CHKA: variants seen among roughly 807,000 people sequenced by gnomAD.
CHKA encodes the protein choline kinase alpha, also known as CHETK-alpha.
A neutral mutation model predicts 60.1 loss-of-function variants in CHKA; 34 were observed. That is an observed-to-expected ratio of 0.57 (90% CI 0.43 to 0.75). The LOEUF is 0.75. Among genes scored for constraint, CHKA ranks in the 30% least tolerant of loss-of-function variants. The pLI, the probability that CHKA is intolerant of heterozygous loss-of-function variation, is 0.00. For synonymous variants in CHKA, 217 were observed against 223.1 expected (o/e 0.97, Z 0.24); for missense variants, 563 against 561.3 (o/e 1.00, Z -0.03).
At chr11:68,110,709 AC>A (rs1310225463) in intron 1 of CHKA, among the ~76,000 whole-genome samples, 1 of 152,172 alleles carries the variant, frequency 6.6e-6, no homozygotes, top group East Asian at 1.9e-4. Flanking sequence ...TCTAAAATTT[AC>A]AGGGAAGCCA....
intron 1 of CHKA, among the ~76,000 whole-genome samples, chr11:68,118,587 G>GT (rs1858484825): frequency 6.6e-6 from 1 of 152,166 alleles, no homozygotes; most frequent in Admixed American, 6.5e-5. Context: ...AAATGCCCTT[G>GT]TGTCTTTTTT....
intron 1 of CHKA, among the ~76,000 whole-genome samples, chr11:68,097,450 C>T (rs1394471278): frequency 6.6e-6 from 1 of 151,938 alleles, no homozygotes; most frequent in East Asian, 1.9e-4. Flanking sequence ...CTGGCTAACA[C>T]GGTGAAACCC....
At chr11:68,070,595 A>C (rs1270507191) in intron 5 of CHKA, 129 bp downstream of exon 5, 2 of 966,966 alleles carry the variant, frequency 2.1e-6, no homozygotes, top group East Asian at 2.5e-5. Context: ...AAGTATCACC[A>C]GCTGACACCC....
intron 11 of CHKA, among the ~76,000 whole-genome samples, chr11:68,059,327 G>A (rs941091409): frequency 1.3e-5 from 2 of 152,042 alleles, no homozygotes; most frequent in African/African-American, 2.4e-5. Flanking sequence ...ATAATCATAC[G>A]GTTTTTCACC....
intron 1 of CHKA, among the ~76,000 whole-genome samples, chr11:68,117,936 AGAG>A (rs1253300349): frequency 2.0e-5 from 3 of 152,210 alleles, no homozygotes; most frequent in African/African-American, 7.2e-5. Context: ...AACTGTGTGC[AGAG>A]GAGGGATTTC....
chr11:68,112,938 C>T (rs1469086517), intron 1 of CHKA, among the ~76,000 whole-genome samples: 1 of 151,492 alleles, frequency 6.6e-6, no homozygotes, highest in Non-Finnish European at 1.5e-5. Flanking sequence ...AAAAATTAGC[C>T]GGGCGTGGTG....
At chr11:68,062,718 C>T (rs998756197) in intron 10 of CHKA, among the ~76,000 whole-genome samples, 20 of 152,284 alleles carry the variant, frequency 1.3e-4, no homozygotes, top group Admixed American at 5.9e-4. Context: ...CTGTGGTCCC[C>T]GGCCCACAAG....
At chr11:68,063,593 C>T (rs971135298) in intron 10 of CHKA, among the ~76,000 whole-genome samples, 1 of 152,094 alleles carries the variant, frequency 6.6e-6, no homozygotes, top group African/African-American at 2.4e-5. Context: ...GTGTCCTGAC[C>T]CTTCTTGGAC....
chr11:68,068,372 A>C (rs1856509237), intron 7 of CHKA, among the ~76,000 whole-genome samples: 1 of 152,030 alleles, frequency 6.6e-6, no homozygotes, highest in African/African-American at 2.4e-5. Context: ...TAAGTTCTTC[A>C]TCCCAGTTCC....
At chr11:68,069,397 A>G (rs1390260627) in intron 6 of CHKA, among the ~76,000 whole-genome samples, 1 of 152,126 alleles carries the variant, frequency 6.6e-6, no homozygotes, top group East Asian at 1.9e-4. Flanking sequence ...AAAGGTGTAA[A>G]TACTTGTGGC....
At chr11:68,054,155 T>C (rs1855909823) in intron 11 of CHKA, 108 bp from the exon 12 acceptor site, 3 of 917,810 alleles carry the variant, frequency 3.3e-6, no homozygotes, top group Non-Finnish European at 5.2e-6. Context: ...CACGGACCCA[T>C]GAGACCAAAA....
chr11:68,077,059 G>T (rs1469376997), intron 3 of CHKA, among the ~76,000 whole-genome samples: 1 of 152,088 alleles, frequency 6.6e-6, no homozygotes, highest in Non-Finnish European at 1.5e-5. Flanking sequence ...CCAACAGGGT[G>T]AAACCCTGTC....
intron 1 of CHKA, among the ~76,000 whole-genome samples, chr11:68,109,815 G>GA (rs1858066025): frequency 6.6e-6 from 1 of 152,108 alleles, no homozygotes; most frequent in Non-Finnish European, 1.5e-5. Flanking sequence ...AGCTGAATGT[G>GA]ATGGTGCACA....
chr11:68,118,125 A>G (rs1475964692), intron 1 of CHKA, among the ~76,000 whole-genome samples: 1 of 152,132 alleles, frequency 6.6e-6, no homozygotes, highest in African/African-American at 2.4e-5. Context: ...ATGCACTGGC[A>G]CTCAGTGAAA....
chr11:68,098,506 T>TGG (rs1299670090), intron 1 of CHKA, among the ~76,000 whole-genome samples: 3 of 152,016 alleles, frequency 2.0e-5, no homozygotes, highest in African/African-American at 7.2e-5. Context: ...TAGGTGGAAA[T>TGG]GGGGAGTTGG....
chr11:68,095,686 G>A (rs1348318073), intron 2 of CHKA, among the ~76,000 whole-genome samples: 1 of 109,922 alleles, frequency 9.1e-6, no homozygotes, highest in Non-Finnish European at 1.7e-5. Context: ...ACCAGCCTGG[G>A]TGACAGAGCA....
intron 2 of CHKA, among the ~76,000 whole-genome samples, chr11:68,087,256 G>C (rs1306253264): frequency 6.6e-6 from 1 of 152,114 alleles, no homozygotes. Flanking sequence ...GAGGGGGGCG[G>C]ATCATTTGAG....
At chr11:68,077,785 T>A (rs1856842139) in intron 3 of CHKA, among the ~76,000 whole-genome samples, 1 of 151,720 alleles carries the variant, frequency 6.6e-6, no homozygotes, top group Admixed American at 6.6e-5. Context: ...TGTGGTGGTG[T>A]GGGTATTTCT....
At chr11:68,062,719 G>A (rs571184365) in intron 10 of CHKA, among the ~76,000 whole-genome samples, 224 of 152,204 alleles carry the variant, frequency 1.5e-3, no homozygotes, top group African/African-American at 5.0e-3. Flanking sequence ...TGTGGTCCCC[G>A]GCCCACAAGA....
Sources: allele counts gnomAD v4.1 joint callset (sites outside exome capture counted in the v4.1 genomes callset), GRCh38; gene constraint gnomAD v4.1.1; transcripts MANE v1.5; gene names NCBI Gene and HGNC (gene_info 2026-07-23, HGNC 2026-07-21).